Variants in GNS observed in about 807,000 individuals in gnomAD.
GNS encodes glucosamine (N-acetyl)-6-sulfatase, also known as N-acetylglucosamine-6-sulfatase.
A neutral mutation model predicts 69.7 loss-of-function variants in GNS; 40 were observed. That is an observed-to-expected ratio of 0.57 (90% CI 0.45 to 0.75). The LOEUF is 0.75. Among genes scored for constraint, GNS ranks in the 30% least tolerant of loss-of-function variants. The probability of loss-of-function intolerance (pLI) is 0.00; values close to 1 mark genes in which losing one functional copy is unlikely to be tolerated. For missense variants in GNS, 565 were observed against 685.5 expected (o/e 0.82, Z 1.96); for synonymous variants, 243 against 251.6 (o/e 0.97, Z 0.32).
Position 64,759,304 on chromosome 12 carries a change from G to T in GNS, c.-28C>A. 1.4e-6 allele frequency: 2 copies of T among 1,407,834 alleles called. No individual in the cohort carries two copies. The highest frequency in any genetic ancestry group is 1.4e-5 in the South Asian group (1 of 70,306). 87.2% of individuals were successfully genotyped at this position (1,407,834 alleles called of 1,614,324 possible). On this transcript the variant is annotated 5_prime_UTR_variant, in exon 1 of 14. Transcript: ENST00000258145. ...CGGACAGGCTCCGGGGTGACCCCGGGACGGGACGGGACGGAGGGACGCACA... is the reference window on the plus strand; with the variant it reads ...CGGACAGGCTCCGGGGTGACCCCGGTACGGGACGGGACGGAGGGACGCACA...
In GNS at chr12:64,716,794, A is replaced by G. The variant is rs1174678192; in HGVS notation, c.1606T>C (p.Phe536Leu). Residue 536 changes from phenylalanine to leucine, a missense_variant, in exon 14 of 14, where the codon TTC (phenylalanine) becomes CTC (leucine). Transcript: ENST00000258145. ...GTCCTGACACTGCCGCGATTGCTGA[A>G]CATGAGACGGGGGTCAAACCTGTAT... ...PGYRFDPRLMFSNRGSVRTRR... is the reference protein window; with the variant it reads ...PGYRFDPRLMLSNRGSVRTRR... The G allele has an allele frequency of 6.2e-7, 1 of 1,613,274 alleles. No homozygotes were observed. Among genetic ancestry groups the G allele is most frequent in the South Asian group, 1.1e-5 (1 of 91,068 alleles).
chr12:64,729,115 CCTATA>C (rs1869304390), intron 9 of GNS, 58 bp from the exon 10 acceptor site: 2 of 934,230 alleles, frequency 2.1e-6, no homozygotes, highest in African/African-American at 1.6e-5. Flanking sequence ...TCCTTTTCTA[CCTATA>C]CTAAAGTTCT....
At chr12:64,741,096 A>C (rs1869718683) in intron 6 of GNS, among the ~76,000 whole-genome samples, 1 of 131,664 alleles carries the variant, frequency 7.6e-6, no homozygotes. Flanking sequence ...AGTCCCAGCT[A>C]CTTGGGAGGC....
At chr12:64,718,976 T>G (rs921430587) in intron 13 of GNS, among the ~76,000 whole-genome samples, 1 of 152,218 alleles carries the variant, frequency 6.6e-6, no homozygotes, top group African/African-American at 2.4e-5. Flanking sequence ...GAAAGACCAA[T>G]GGTCAAAATT....
At chr12:64,720,602 G>C (rs1450735012) in intron 12 of GNS, among the ~76,000 whole-genome samples, 2 of 152,224 alleles carry the variant, frequency 1.3e-5, no homozygotes, top group Non-Finnish European at 2.9e-5. Context: ...TTTTGCCCTA[G>C]AATTGTGAAG....
chr12:64,734,107 G>A (rs888090361), intron 9 of GNS, among the ~76,000 whole-genome samples: 6 of 152,276 alleles, frequency 3.9e-5, no homozygotes, highest in Middle Eastern at 3.4e-3. Flanking sequence ...CATCGTCTCC[G>A]ACATTCTTTG....
chr12:64,723,928 TAGG>T (rs1424068799), intron 10 of GNS, among the ~76,000 whole-genome samples: 2 of 152,078 alleles, frequency 1.3e-5, no homozygotes, highest in African/African-American at 2.4e-5. Context: ...TGGGAAATCA[TAGG>T]AGGTTTTTGA....
At chr12:64,716,860 C>T (rs1364210213) in intron 13 of GNS, 41 bp from the exon 14 acceptor site, 1 of 1,195,554 alleles carries the variant, frequency 8.4e-7, no homozygotes, top group African/African-American at 1.5e-5. Flanking sequence ...CTCTCACTAG[C>T]TTCTCACTCA....
chr12:64,749,921 G>C (rs539820851), intron 2 of GNS, among the ~76,000 whole-genome samples: 1 of 149,336 alleles, frequency 6.7e-6, no homozygotes, highest in Non-Finnish European at 1.5e-5. Context: ...TGTCACCGAG[G>C]ATGGAGTACA....
intron 1 of GNS, among the ~76,000 whole-genome samples, chr12:64,754,750 A>C (rs1870194648): frequency 6.6e-6 from 1 of 152,032 alleles, no homozygotes; most frequent in Non-Finnish European, 1.5e-5. Flanking sequence ...TTAGCTGGGC[A>C]TGGTAGTGCA....
In GNS at chr12:64,747,261, A is replaced by G. The variant is rs567620649; in HGVS notation, c.459+451T>C. On this transcript the variant is annotated intron_variant, in intron 3 of 13. Transcript: ENST00000258145. Reference sequence around the variant, plus strand: ...ACATCAGAAAATGAATTAAGCATTAAGTTGTTATAATTCAGAAAAGATTCT... The same window carrying G: ...ACATCAGAAAATGAATTAAGCATTAGGTTGTTATAATTCAGAAAAGATTCT... Among the ~76,000 whole-genome samples, 168 of 152,260 alleles carry G rather than the reference A, an allele frequency of 1.1e-3. 1 individual carries two copies. The highest frequency in any genetic ancestry group is 2.2e-3 in the Non-Finnish European group (149 of 68,042).
chr12:64,739,602 C>T (rs1464730004), intron 7 of GNS, 103 bp from the exon 8 acceptor site: 3 of 666,302 alleles, frequency 4.5e-6, no homozygotes, highest in African/African-American at 1.8e-5. Context: ...CAAAGACACC[C>T]CCGTTTAAAA....
intron 6 of GNS, among the ~76,000 whole-genome samples, chr12:64,741,280 G>A (rs1273909416): frequency 6.6e-5 from 10 of 151,674 alleles, no homozygotes; most frequent in South Asian, 2.1e-4. Flanking sequence ...AGACAGAGGC[G>A]GAGGTTGCAT....
chr12:64,751,951 CAAA>C (rs570528616), intron 2 of GNS, among the ~76,000 whole-genome samples: 15 of 64,806 alleles, frequency 2.3e-4, no homozygotes, highest in East Asian at 5.6e-4. Context: ...TTGCGCCACT[CAAA>C]AAAAAAAAAA....
At chr12:64,721,756 A>G in intron 11 of GNS, 51 bp from the exon 12 acceptor site, 2 of 949,184 alleles carry the variant, frequency 2.1e-6, no homozygotes, top group Non-Finnish European at 3.5e-6. Flanking sequence ...CATAGTAACA[A>G]ATACCTAGTT....
At chr12:64,756,942 TCAGGAGTTCAAGAGTTACTTGAGTC>T (rs1870270393) in intron 1 of GNS, among the ~76,000 whole-genome samples, 2 of 152,160 alleles carry the variant, frequency 1.3e-5, no homozygotes, top group African/African-American at 2.4e-5. Context: ...GTTCAAGAGT[TCAGGAGTTCAAGAGTTACTTGAGTC>T]CAGGAGTTCA....
intron 10 of GNS, among the ~76,000 whole-genome samples, chr12:64,727,614 T>C (rs942363152): frequency 3.9e-5 from 6 of 152,186 alleles, no homozygotes; most frequent in Admixed American, 1.3e-4. Context: ...GAAAACACTA[T>C]GCTCAGTGAA....
chr12:64,717,114 G>T (rs2136235445), intron 13 of GNS, among the ~76,000 whole-genome samples: 1 of 152,208 alleles, frequency 6.6e-6, no homozygotes, highest in African/African-American at 2.4e-5. Context: ...AGGGAGTAGG[G>T]GTGGATCAAC....
chr12:64,729,205 A>C, intron 9 of GNS, 148 bp from the exon 10 acceptor site: 1 of 671,980 alleles, frequency 1.5e-6, no homozygotes, highest in Non-Finnish European at 2.7e-6. Context: ...TGTTTCATAG[A>C]TCCAAATATA....
Sources: gnomAD v4.1 joint callset for allele counts (sites outside exome capture counted in the v4.1 genomes callset) on GRCh38, gnomAD v4.1.1 for gene constraint, MANE v1.5 for transcripts, NCBI Gene and HGNC (gene_info 2026-07-23, HGNC 2026-07-21) for gene names.